RBFOX1: variants seen among roughly 807,000 people sequenced by gnomAD.
RBFOX1 encodes RNA binding protein fox-1 homolog 1.
In RBFOX1, 8 loss-of-function variants were observed where a neutral mutation model predicts 57.7. That is an observed-to-expected ratio of 0.14 (90% CI 0.08 to 0.25). RBFOX1 has a LOEUF of 0.25. Ranked by LOEUF, RBFOX1 falls within the 10% of genes least tolerant of loss-of-function variation. The pLI, the probability that RBFOX1 is intolerant of heterozygous loss-of-function variation, is 1.00. For missense variants in RBFOX1, 611 were observed against 548.5 expected (o/e 1.11, Z -1.14); for synonymous variants, 326 against 222.4 (o/e 1.47, Z -4.15).
chr16:6,863,946 C>T (rs924457166), intron 3 of RBFOX1, among the ~76,000 whole-genome samples: 5 of 150,680 alleles, frequency 3.3e-5, no homozygotes, highest in Non-Finnish European at 7.4e-5. Flanking sequence ...CTCCTTCTTC[C>T]TTCTCTTGCA....
At chr16:5,435,163 C>G (rs185166154) in intron 1 of RBFOX1, among the ~76,000 whole-genome samples, 1 of 152,166 alleles carries the variant, frequency 6.6e-6, no homozygotes, top group Non-Finnish European at 1.5e-5. Context: ...CTGATTCTTC[C>G]CTGTGGTTCC....
intron 1 of RBFOX1, among the ~76,000 whole-genome samples, chr16:6,147,777 C>T (rs546582706): frequency 6.6e-6 from 1 of 152,356 alleles, no homozygotes; most frequent in East Asian, 1.9e-4. Context: ...TCACCATCCA[C>T]TCAGTTGCTG....
At chr16:5,777,124 T>A (rs2054173685) in intron 3 of RBFOX1, among the ~76,000 whole-genome samples, 1 of 152,196 alleles carries the variant, frequency 6.6e-6, no homozygotes, top group Admixed American at 6.5e-5. Flanking sequence ...CACAAATTTA[T>A]TACCTTACAA....
At chr16:7,197,998 C>CTTTTTTTTTTTTTTTTTTT (rs945404947) in intron 4 of RBFOX1, among the ~76,000 whole-genome samples, 1 of 55,592 alleles carries the variant, frequency 1.8e-5, no homozygotes, top group Non-Finnish European at 3.2e-5. Context: ...TTCTTTCTTT[C>CTTTTTTTTTTTTTTTTTTT]TTTTTTTTTT....
chr16:7,443,743 C>T (rs2098787815), intron 4 of RBFOX1, among the ~76,000 whole-genome samples: 1 of 152,140 alleles, frequency 6.6e-6, no homozygotes, highest in Non-Finnish European at 1.5e-5. Flanking sequence ...CCTCTCTAAA[C>T]CGAAAACTTT....
chr16:5,612,470 G>A (rs540647049), intron 3 of RBFOX1, among the ~76,000 whole-genome samples: 23 of 152,324 alleles, frequency 1.5e-4, no homozygotes, highest in Non-Finnish European at 2.8e-4. Flanking sequence ...GACAGAGATT[G>A]AGCAGATACT....
At chr16:5,720,209 T>C (rs768805035) in intron 3 of RBFOX1, among the ~76,000 whole-genome samples, 1 of 152,132 alleles carries the variant, frequency 6.6e-6, no homozygotes, top group Non-Finnish European at 1.5e-5. Flanking sequence ...ACTGGTCATT[T>C]GTAGTAGGTC....
chr16:5,892,715 A>C lies in RBFOX1; in HGVS notation c.351+25380A>C, dbSNP rs138460065. 1.1e-4 allele frequency among the ~76,000 whole-genome samples: 16 copies of C among 152,254 alleles called. No homozygotes were observed. In the East Asian group the frequency reaches 3.1e-3, roughly 29 times the overall value. On this transcript the variant is annotated intron_variant, in intron 4 of 19. Transcript: ENST00000641259. ...GGATTCCTAAGTCAAGATATGCAGC[A>C]CTCTCAAAGCCTGTCCAGGGGTAGT...
chr16:6,466,354 G>A (rs1464059763), intron 2 of RBFOX1, among the ~76,000 whole-genome samples: 1 of 151,926 alleles, frequency 6.6e-6, no homozygotes, highest in African/African-American at 2.4e-5. Context: ...CTATATTCCA[G>A]TTATGGTGCG....
At chr16:5,322,992 C>T (rs2064455801) in intron 1 of RBFOX1, among the ~76,000 whole-genome samples, 1 of 151,862 alleles carries the variant, frequency 6.6e-6, no homozygotes, top group Non-Finnish European at 1.5e-5. Flanking sequence ...GTGTGGGCTT[C>T]AAAGTCAGAC....
chr16:7,218,941 G>T (rs1173334845), intron 4 of RBFOX1, among the ~76,000 whole-genome samples: 2 of 152,068 alleles, frequency 1.3e-5, no homozygotes, highest in Admixed American at 1.3e-4. Flanking sequence ...CAGGCATATG[G>T]TCTGTGCCTA....
chr16:7,564,184 G>A (rs932052323), intron 5 of RBFOX1, among the ~76,000 whole-genome samples: 1 of 152,088 alleles, frequency 6.6e-6, no homozygotes. Context: ...CGATGAGACA[G>A]TATCCATACA....
intron 1 of RBFOX1, among the ~76,000 whole-genome samples, chr16:6,065,320 C>T (rs141376822): frequency 6.6e-6 from 1 of 152,006 alleles, no homozygotes; most frequent in Non-Finnish European, 1.5e-5. Context: ...CAGGTGTGAA[C>T]CACCGCACGC....
chr16:6,976,263 A>T (rs566599810), intron 3 of RBFOX1, among the ~76,000 whole-genome samples: 1 of 152,224 alleles, frequency 6.6e-6, no homozygotes, highest in East Asian at 1.9e-4. Context: ...CAGTTAAGAA[A>T]CTCACCTGTA....
chr16:5,629,423 C>T (rs2048437704), intron 3 of RBFOX1, among the ~76,000 whole-genome samples: 1 of 152,236 alleles, frequency 6.6e-6, no homozygotes, highest in South Asian at 2.1e-4. Context: ...TTTGTGTCTT[C>T]AGGACATTGG....
intron 2 of RBFOX1, among the ~76,000 whole-genome samples, chr16:6,614,297 C>G (rs1002456392): frequency 1.3e-5 from 2 of 152,082 alleles, no homozygotes; most frequent in Non-Finnish European, 2.9e-5. Context: ...CTGAGTCTTA[C>G]ACTGGATGGA....
intron 1 of RBFOX1, among the ~76,000 whole-genome samples, chr16:6,193,425 T>TA (rs59142664): frequency 2.8e-5 from 3 of 106,502 alleles, no homozygotes; most frequent in Admixed American, 1.2e-4. Context: ...TATATATATA[T>TA]AAAATTCAGT....
intron 3 of RBFOX1, among the ~76,000 whole-genome samples, chr16:6,859,165 GTATATATA>G (rs749806270): frequency 9.5e-4 from 51 of 53,912 alleles, no homozygotes; most frequent in Middle Eastern, 0.013. Context: ...ATATATATAC[GTATATATA>G]TGTATATATA....
chr16:5,755,635 G>T (rs952854925), intron 3 of RBFOX1, among the ~76,000 whole-genome samples: 6 of 152,154 alleles, frequency 3.9e-5, no homozygotes, highest in African/African-American at 1.2e-4. Context: ...TTTCACTCTT[G>T]TTGCCTAGGC....
Sources: gnomAD v4.1 joint callset for allele counts (sites outside exome capture counted in the v4.1 genomes callset) on GRCh38, gnomAD v4.1.1 for gene constraint, MANE v1.5 for transcripts, NCBI Gene and HGNC (gene_info 2026-07-23, HGNC 2026-07-21) for gene names.